FANCC: variants seen among roughly 807,000 people sequenced by gnomAD.
The protein encoded by FANCC is FA complementation group C, also known as Fanconi anemia group C protein.
In FANCC, 55 loss-of-function variants were observed where a neutral mutation model predicts 71.3. The observed-to-expected ratio is 0.77, with a 90% confidence interval of 0.62 to 0.97. The LOEUF (loss-of-function observed/expected upper bound fraction) is 0.97. FANCC is among the 50% of genes least tolerant of loss of function. The probability of loss-of-function intolerance (pLI) is 0.00; values close to 1 mark genes in which losing one functional copy is unlikely to be tolerated. For synonymous variants in FANCC, 275 were observed against 244.9 expected (o/e 1.12, Z -1.15); for missense variants, 678 against 670.9 (o/e 1.01, Z -0.12).
At chr9:95,236,770 G>C (rs1192694086) in intron 4 of FANCC, among the ~76,000 whole-genome samples, 2 of 152,142 alleles carry the variant, frequency 1.3e-5, no homozygotes, top group African/African-American at 2.4e-5. Flanking sequence ...GAACATCCTA[G>C]CACATGGTAG....
chr9:95,311,936 G>A (rs1211216312), intron 1 of FANCC, among the ~76,000 whole-genome samples: 1 of 152,130 alleles, frequency 6.6e-6, no homozygotes, highest in East Asian at 1.9e-4. Flanking sequence ...AAAAACAGGG[G>A]TGAAAGATAA....
intron 6 of FANCC, among the ~76,000 whole-genome samples, chr9:95,153,754 C>G (rs1270075781): frequency 6.6e-6 from 1 of 152,150 alleles, no homozygotes; most frequent in Non-Finnish European, 1.5e-5. Context: ...TTCTCCCACT[C>G]TGTTGGTTGT....
At chr9:95,211,190 C>A (rs575764088) in intron 4 of FANCC, among the ~76,000 whole-genome samples, 5 of 152,302 alleles carry the variant, frequency 3.3e-5, no homozygotes, top group Non-Finnish European at 7.3e-5. Context: ...CTATGATTGG[C>A]CTGGCTTTCT....
intron 13 of FANCC, 55 bp downstream of exon 13, chr9:95,111,408 C>T: frequency 6.3e-7 from 1 of 1,598,860 alleles, no homozygotes; most frequent in Non-Finnish European, 8.5e-7. Context: ...TCTGCAAGCT[C>T]CTCTCAGCCC....
intron 1 of FANCC, among the ~76,000 whole-genome samples, chr9:95,279,756 T>C (rs1334863682): frequency 1.3e-5 from 2 of 152,088 alleles, no homozygotes; most frequent in Non-Finnish European, 2.9e-5. Flanking sequence ...AAGACCAGCC[T>C]GGCTAACATA....
chr9:95,108,924 G>GA (rs1554828927), intron 13 of FANCC, among the ~76,000 whole-genome samples: 3 of 132,200 alleles, frequency 2.3e-5, no homozygotes, highest in Non-Finnish European at 4.9e-5. Context: ...TTTTTTTTTG[G>GA]AGACAGAGCC....
chr9:95,223,067 C>G (rs539859972), intron 4 of FANCC, among the ~76,000 whole-genome samples: 3 of 152,194 alleles, frequency 2.0e-5, no homozygotes, highest in African/African-American at 7.2e-5. Flanking sequence ...AATTTCAACA[C>G]TGCTTTGGAT....
intron 6 of FANCC, among the ~76,000 whole-genome samples, chr9:95,151,773 C>T (rs1172614838): frequency 6.6e-6 from 1 of 151,970 alleles, no homozygotes; most frequent in African/African-American, 2.4e-5. Flanking sequence ...ACAAAAAATA[C>T]AAAAATTAGC....
intron 1 of FANCC, among the ~76,000 whole-genome samples, chr9:95,274,083 G>A (rs887755830): frequency 2.0e-5 from 3 of 152,094 alleles, no homozygotes; most frequent in African/African-American, 7.2e-5. Flanking sequence ...GTGCAGATTT[G>A]TTACACAGGT....
At chr9:95,181,551 T>C (rs1178158392) in intron 4 of FANCC, among the ~76,000 whole-genome samples, 2 of 152,220 alleles carry the variant, frequency 1.3e-5, no homozygotes, top group Non-Finnish European at 2.9e-5. Flanking sequence ...TCTCAAATGC[T>C]GGCAGAGTGA....
At chr9:95,118,811 T>A (rs1041146817) in intron 10 of FANCC, among the ~76,000 whole-genome samples, 4 of 152,208 alleles carry the variant, frequency 2.6e-5, no homozygotes, top group Admixed American at 2.6e-4. Flanking sequence ...GTTTAGCCAT[T>A]CTCCTCTTGA....
chr9:95,156,175 G>A (rs1219982012), intron 6 of FANCC, among the ~76,000 whole-genome samples: 3 of 152,166 alleles, frequency 2.0e-5, no homozygotes, highest in Non-Finnish European at 2.9e-5. Flanking sequence ...CAAATTCCCT[G>A]GCACAGAGCG....
At chr9:95,189,178 T>C (rs1826923941) in intron 4 of FANCC, among the ~76,000 whole-genome samples, 2 of 152,074 alleles carry the variant, frequency 1.3e-5, no homozygotes, top group African/African-American at 2.4e-5. Context: ...TGCTTCAAAA[T>C]CCTGCCTTCA....
At chr9:95,316,157 G>A (rs1835727249) in intron 1 of FANCC, among the ~76,000 whole-genome samples, 1 of 152,216 alleles carries the variant, frequency 6.6e-6, no homozygotes, top group South Asian at 2.1e-4. Flanking sequence ...CAGTTCTCAA[G>A]AAGCAGGCTC....
Position 95,099,739 on chromosome 9 carries a change from C to T in FANCC, c.*1968G>A, listed in dbSNP as rs114827984. ...GCCCAGAAAGCACCACCGGCAAGGC[C>T]GCCTCCACCGCACCCGTGAGAGGAC... On this transcript the variant is annotated 3_prime_UTR_variant, in exon 15 of 15. Transcript: ENST00000289081. The T allele has an allele frequency of 2.7e-3, 633 of 232,532 alleles. 5 individuals are homozygous for T. Among genetic ancestry groups the T allele is most frequent in the African/African-American group, 0.012 (557 of 45,404 alleles). The allele number at this position is 232,532 out of a possible 1,614,324, so 14.4% of individuals were successfully genotyped here. A position where few individuals can be genotyped will look rare whatever the true frequency, so the allele number is the denominator to read the frequency against.
chr9:95,164,445 C>CCTTTACTA (rs879268323), intron 6 of FANCC, among the ~76,000 whole-genome samples: 5 of 152,072 alleles, frequency 3.3e-5, no homozygotes, highest in Admixed American at 6.6e-5. Context: ...TCAAATATGG[C>CCTTTACTA]CTTTACTACT....
intron 4 of FANCC, among the ~76,000 whole-genome samples, chr9:95,208,531 A>G (rs760348862): frequency 6.6e-6 from 1 of 152,212 alleles, no homozygotes; most frequent in Non-Finnish European, 1.5e-5. Context: ...CATATAAAGA[A>G]CTGTTAAAAC....
chr9:95,305,350 A>C (rs1835011957), intron 1 of FANCC, among the ~76,000 whole-genome samples: 1 of 152,238 alleles, frequency 6.6e-6, no homozygotes, highest in African/African-American at 2.4e-5. Flanking sequence ...TATGGCCAAA[A>C]TGATACCTCA....
At chr9:95,269,775 G>A (rs1832615481) in intron 1 of FANCC, among the ~76,000 whole-genome samples, 1 of 152,124 alleles carries the variant, frequency 6.6e-6, no homozygotes, top group Non-Finnish European at 1.5e-5. Flanking sequence ...CATTATTGTA[G>A]GGGTGGGTTG....
Sources: gnomAD v4.1 joint callset for allele counts (sites outside exome capture counted in the v4.1 genomes callset) on GRCh38, gnomAD v4.1.1 for gene constraint, MANE v1.5 for transcripts, NCBI Gene and HGNC (gene_info 2026-07-23, HGNC 2026-07-21) for gene names.